The following NAV3 variants were observed in gnomAD, a reference collection of about 807,000 sequenced individuals.
The protein encoded by NAV3 is neuron navigator 3, also known as pore membrane and/or filament interacting like protein 1.
Under a neutral mutation model 244.7 loss-of-function variants are expected in NAV3, and 87 were observed. The observed-to-expected ratio is 0.36, with a 90% CI of 0.30 to 0.42. The LOEUF is 0.42. Among genes scored for constraint, NAV3 ranks in the 20% least tolerant of loss-of-function variants. The pLI is 1.00. For synonymous variants in NAV3, 1,126 were observed against 1,042.2 expected, an observed-to-expected ratio of 1.08 and a Z score of -1.55; for missense variants, 2,663 against 2,893.3, an observed-to-expected ratio of 0.92 and a Z score of 1.83.
intron 3 of NAV3, among the ~76,000 whole-genome samples, chr12:77,965,590 G>C (rs1473449878): frequency 1.3e-5 from 2 of 152,192 alleles, no homozygotes; most frequent in Non-Finnish European, 2.9e-5. Flanking sequence ...CTGCACTCCA[G>C]CCTGTGTGAC....
chr12:77,869,302 A>G (rs1037759615), intron 1 of NAV3, among the ~76,000 whole-genome samples: 18 of 152,156 alleles, frequency 1.2e-4, no homozygotes, highest in Non-Finnish European at 5.9e-5. Flanking sequence ...TAAATATTCT[A>G]TTGGGGGCAA....
intron 12 of NAV3, among the ~76,000 whole-genome samples, chr12:78,077,987 C>T (rs1953138583): frequency 6.6e-6 from 1 of 152,168 alleles, no homozygotes; most frequent in African/African-American, 2.4e-5. Context: ...GGAGGCTAGA[C>T]ATTAGAAATC....
chr12:77,975,021 C>T (rs1327381426), intron 5 of NAV3, among the ~76,000 whole-genome samples: 2 of 5,378 alleles, frequency 3.7e-4, no homozygotes, highest in East Asian at 0.5. Flanking sequence ...GCCCATTCCA[C>T]TGTTTAATTA....
intron 1 of NAV3, among the ~76,000 whole-genome samples, chr12:77,869,224 G>C (rs1231080007): frequency 6.7e-6 from 1 of 149,404 alleles, no homozygotes; most frequent in Non-Finnish European, 1.5e-5. Context: ...CCTAACCTAA[G>C]CCTTGATTCC....
rs554598362 is a variant in NAV3, at chr12:77,949,865, G to C, written c.414+8732G>C. ...CCTGGGAACCAGTGATTGTTTTACT[G>C]TCCCTGTGGTTTTGCCTTTTCTAGA... On this transcript the variant is annotated intron_variant, in intron 3 of 39. Transcript: ENST00000397909. 3.9e-5 allele frequency among the ~76,000 whole-genome samples: 6 copies of C among 152,104 alleles called. No individual in the cohort carries two copies. In the East Asian group the frequency reaches 1.2e-3, roughly 29 times the overall value.
intron 9 of NAV3, among the ~76,000 whole-genome samples, chr12:78,045,634 A>G (rs1881655102): frequency 6.6e-6 from 1 of 152,130 alleles, no homozygotes; most frequent in Admixed American, 6.6e-5. Flanking sequence ...TCAGTTTGCC[A>G]GTATGTGATT....
At chr12:78,078,411 T>TTC (rs1566101356) in intron 12 of NAV3, among the ~76,000 whole-genome samples, 1 of 103,360 alleles carries the variant, frequency 9.7e-6, no homozygotes, top group African/African-American at 3.6e-5. Context: ...TTTTTTTTTT[T>TTC]TTGAGACGGA....
chr12:78,189,524 G>A (rs1029029580), intron 33 of NAV3, among the ~76,000 whole-genome samples: 7 of 150,288 alleles, frequency 4.7e-5, no homozygotes, highest in Non-Finnish European at 7.4e-5. Context: ...AAGGAGATGG[G>A]GTGAAGAGAA....
chr12:77,769,092 A>G (rs1869939492), intron 2 of NAV3, among the ~76,000 whole-genome samples: 1 of 152,180 alleles, frequency 6.6e-6, no homozygotes, highest in Non-Finnish European at 1.5e-5. Flanking sequence ...TAAAATTGGG[A>G]AAACTGAGGC....
intron 2 of NAV3, among the ~76,000 whole-genome samples, chr12:77,749,575 G>T (rs1029394484): frequency 4.2e-4 from 64 of 152,130 alleles, no homozygotes; most frequent in African/African-American, 1.5e-3. Context: ...TGAAGATATA[G>T]CTTGATAACA....
chr12:77,800,078 G>T (rs1426310734), intron 2 of NAV3, among the ~76,000 whole-genome samples: 1 of 152,078 alleles, frequency 6.6e-6, no homozygotes, highest in African/African-American at 2.4e-5. Flanking sequence ...CAAATTATCA[G>T]TGAATAATAG....
chr12:77,915,151 C>T (rs1218198792), intron 1 of NAV3, among the ~76,000 whole-genome samples: 1 of 151,964 alleles, frequency 6.6e-6, no homozygotes, highest in Non-Finnish European at 1.5e-5. Context: ...TACTTCCTGA[C>T]CAGCTGCACA....
intron 19 of NAV3, among the ~76,000 whole-genome samples, 195 bp from the exon 20 acceptor site, chr12:78,140,087 G>T (rs1429535336): frequency 6.6e-6 from 1 of 152,150 alleles, no homozygotes; most frequent in Non-Finnish European, 1.5e-5. Context: ...GTACTTTAGG[G>T]AGTATGGATG....
At chr12:77,922,220 C>T (rs1887777648) in intron 1 of NAV3, among the ~76,000 whole-genome samples, 2 of 152,078 alleles carry the variant, frequency 1.3e-5, no homozygotes, top group African/African-American at 4.8e-5. Flanking sequence ...GGTTCCCTGC[C>T]TCTGTGTTTT....
chr12:77,811,916 T>C lies in NAV3; in HGVS notation c.73-128403T>C, dbSNP rs372531243. Among the ~76,000 whole-genome samples, 24 of 152,346 alleles carry C rather than the reference T, an allele frequency of 1.6e-4. 1 individual carries two copies. The South Asian group carries it at 4.6e-3, about 29-fold the overall frequency. The stretch of plus-strand genomic sequence containing the variant: ...GCCAACTCAAACTAGTTCCCATTTT[T>C]ATCACCTTAAAAGGTAACCTGCTAT... On this transcript the variant is annotated intron_variant, in intron 2 of 8. Transcript: ENST00000550042.
intron 2 of NAV3, among the ~76,000 whole-genome samples, chr12:77,710,200 G>C (rs1006544687): frequency 5.9e-5 from 9 of 152,220 alleles, no homozygotes; most frequent in African/African-American, 2.2e-4. Flanking sequence ...ATCATTAAAA[G>C]GTTCTGCTCT....
chr12:77,902,384 A>G (rs570368286), intron 1 of NAV3, among the ~76,000 whole-genome samples: 77 of 152,336 alleles, frequency 5.1e-4, no homozygotes, highest in Non-Finnish European at 8.7e-4. Flanking sequence ...TACAGTAAAG[A>G]GATACATCCC....
intron 22 of NAV3, among the ~76,000 whole-genome samples, chr12:78,155,469 G>A (rs1957266248): frequency 6.6e-6 from 1 of 152,082 alleles, no homozygotes; most frequent in Non-Finnish European, 1.5e-5. Flanking sequence ...GACTAGTGCT[G>A]CAGTGAACAT....
intron 2 of NAV3, among the ~76,000 whole-genome samples, chr12:77,774,121 C>T (rs1870234922): frequency 6.6e-6 from 1 of 152,130 alleles, no homozygotes. Context: ...GATTAAGTAT[C>T]AGTTTATAGT....
Sources: gnomAD v4.1 joint callset for allele counts (sites outside exome capture counted in the v4.1 genomes callset) on GRCh38, gnomAD v4.1.1 for gene constraint, MANE v1.5 for transcripts, NCBI Gene and HGNC (gene_info 2026-07-23, HGNC 2026-07-21) for gene names.